The following DCLK2 variants were observed in gnomAD, a reference collection of about 807,000 sequenced individuals.
The protein encoded by DCLK2 is serine/threonine-protein kinase DCLK2.
Under a neutral mutation model 78.4 loss-of-function variants are expected in DCLK2, and 31 were observed. The ratio of observed to expected loss-of-function variants is 0.40; its 90% CI spans 0.30 to 0.53. The LOEUF (loss-of-function observed/expected upper bound fraction) is 0.53. Among genes scored for constraint, DCLK2 ranks in the 20% least tolerant of loss-of-function variants. The pLI is 0.61. For synonymous variants in DCLK2, 407 were observed against 374.9 expected (o/e 1.09, Z -0.99); for missense variants, 872 against 973.7 (o/e 0.90, Z 1.39).
chr4:150,202,401 A>C (rs1397728233), intron 4 of DCLK2, among the ~76,000 whole-genome samples: 1 of 152,248 alleles, frequency 6.6e-6, no homozygotes, highest in African/African-American at 2.4e-5. Context: ...GAAAAATTAA[A>C]GTTTTGGAAA....
intron 15 of DCLK2, chr4:150,253,585 C>T (rs924413106): frequency 1.9e-5 from 24 of 1,289,158 alleles, no homozygotes; most frequent in East Asian, 1.1e-4. Flanking sequence ...CCGACCAGCG[C>T]GCCCCATCCT....
rs533498129 is a variant in DCLK2, at chr4:150,167,663, G to C, written c.757-25475G>C. 1.9e-3 allele frequency among the ~76,000 whole-genome samples: 293 copies of C among 152,222 alleles called. 1 individual carries two copies. The highest frequency in any genetic ancestry group is 6.7e-3 in the African/African-American group (279 of 41,546). On this transcript the variant is annotated intron_variant, in intron 2 of 15. Transcript: ENST00000296550. ...CCAACCTCCACCAGGAGTGTCAGGC[G>C]ACCATCAAGTGATGGTCAGGCAGTT...
intron 2 of DCLK2, among the ~76,000 whole-genome samples, chr4:150,112,714 T>G (rs1731778169): frequency 6.6e-6 from 1 of 152,098 alleles, no homozygotes; most frequent in African/African-American, 2.4e-5. Context: ...TTTAATTCTG[T>G]TTATGTGATG....
At chr4:150,198,132 A>T in intron 4 of DCLK2, 29 bp downstream of exon 4, 1 of 1,579,146 alleles carries the variant, frequency 6.3e-7, no homozygotes, top group Non-Finnish European at 8.7e-7. Context: ...ATAGATGGTC[A>T]TAGCAGGAAC....
intron 2 of DCLK2, among the ~76,000 whole-genome samples, chr4:150,161,058 A>G (rs1735670982): frequency 1.3e-5 from 2 of 152,256 alleles, no homozygotes; most frequent in Admixed American, 1.3e-4. Flanking sequence ...GACAAAAAGG[A>G]GTGAAACAAT....
intron 2 of DCLK2, among the ~76,000 whole-genome samples, chr4:150,151,286 GA>G (rs1412335892): frequency 2.0e-5 from 3 of 152,298 alleles, no homozygotes; most frequent in Admixed American, 2.0e-4. Context: ...AGAATTTGCA[GA>G]GGACTCAGTG....
intron 2 of DCLK2, among the ~76,000 whole-genome samples, chr4:150,164,790 C>T (rs1255148672): frequency 6.7e-6 from 1 of 148,152 alleles, no homozygotes; most frequent in African/African-American, 2.5e-5. Context: ...CAGAGTGAGA[C>T]ACTGTCTCAA....
At chr4:150,213,073 C>T (rs1221814574) in intron 5 of DCLK2, among the ~76,000 whole-genome samples, 1 of 152,176 alleles carries the variant, frequency 6.6e-6, no homozygotes, top group Non-Finnish European at 1.5e-5. Context: ...GGTCACAATC[C>T]AGTAAGCCAA....
chr4:150,153,163 G>T (rs1735012242), intron 2 of DCLK2, among the ~76,000 whole-genome samples: 1 of 152,314 alleles, frequency 6.6e-6, no homozygotes, highest in East Asian at 1.9e-4. Flanking sequence ...ATCTACCATT[G>T]CAGATCCCAC....
intron 10 of DCLK2, among the ~76,000 whole-genome samples, chr4:150,238,247 T>C (rs1580776542): frequency 6.6e-6 from 1 of 152,338 alleles, no homozygotes; most frequent in East Asian, 1.9e-4. Flanking sequence ...AGTGACTATT[T>C]CCCATATGAT....
intron 2 of DCLK2, among the ~76,000 whole-genome samples, chr4:150,107,517 C>T (rs752038917): frequency 2.6e-5 from 4 of 151,558 alleles, no homozygotes; most frequent in Non-Finnish European, 5.9e-5. Flanking sequence ...GCTGGGACTA[C>T]AGGCACATGA....
intron 2 of DCLK2, among the ~76,000 whole-genome samples, chr4:150,168,727 C>T (rs1300723617): frequency 6.6e-6 from 1 of 152,144 alleles, no homozygotes; most frequent in Non-Finnish European, 1.5e-5. Flanking sequence ...AATAACTTTG[C>T]AACAATCTGG....
intron 2 of DCLK2, among the ~76,000 whole-genome samples, chr4:150,136,002 G>A (rs1387447187): frequency 1.3e-5 from 2 of 152,184 alleles, no homozygotes; most frequent in Non-Finnish European, 2.9e-5. Context: ...AAAGAATGTA[G>A]AGAATTGTGT....
At chr4:150,160,663 G>A (rs776117635) in intron 2 of DCLK2, among the ~76,000 whole-genome samples, 17 of 152,170 alleles carry the variant, frequency 1.1e-4, no homozygotes, top group Non-Finnish European at 2.1e-4. Flanking sequence ...ACTGTGTTCC[G>A]CTAAGACTCC....
intron 2 of DCLK2, among the ~76,000 whole-genome samples, chr4:150,179,967 G>A (rs1737384903): frequency 6.6e-6 from 1 of 151,884 alleles, no homozygotes; most frequent in African/African-American, 2.4e-5. Context: ...AAAAATCCTA[G>A]ATATAAGCTT....
intron 2 of DCLK2, among the ~76,000 whole-genome samples, chr4:150,111,567 A>G (rs1390855512): frequency 7.8e-6 from 1 of 128,336 alleles, no homozygotes; most frequent in Non-Finnish European, 1.8e-5. Context: ...CAATGTCCAG[A>G]AGAGCTTTTC....
At chr4:150,137,449 G>A (rs985734830) in intron 2 of DCLK2, among the ~76,000 whole-genome samples, 1 of 152,156 alleles carries the variant, frequency 6.6e-6, no homozygotes, top group Non-Finnish European at 1.5e-5. Flanking sequence ...TGAGACAAGG[G>A]TTGATGAAAT....
At chr4:150,228,026 G>A (rs753816979) in intron 8 of DCLK2, among the ~76,000 whole-genome samples, 13 of 152,140 alleles carry the variant, frequency 8.5e-5, no homozygotes, top group Non-Finnish European at 1.6e-4. Flanking sequence ...AGCATCCAGT[G>A]ACCAGCAGTA....
At chr4:150,128,347 G>A (rs1344943045) in intron 2 of DCLK2, among the ~76,000 whole-genome samples, 1 of 152,146 alleles carries the variant, frequency 6.6e-6, no homozygotes, top group Non-Finnish European at 1.5e-5. Context: ...CCAGGGTAAG[G>A]AGTGTAGATA....
Sources: gnomAD v4.1 joint callset for allele counts (sites outside exome capture counted in the v4.1 genomes callset) on GRCh38, gnomAD v4.1.1 for gene constraint, MANE v1.5 for transcripts, NCBI Gene and HGNC (gene_info 2026-07-23, HGNC 2026-07-21) for gene names.